RIN2: variants seen among roughly 807,000 people sequenced by gnomAD.
RIN2 encodes the protein Ras and Rab interactor 2, also known as RAB5 interacting protein 2.
Under a neutral mutation model 78.0 loss-of-function variants are expected in RIN2, and 36 were observed. The ratio of observed to expected loss-of-function variants is 0.46; its 90% confidence interval spans 0.35 to 0.61. RIN2 has a LOEUF of 0.61. RIN2 is among the 20% of genes least tolerant of loss of function. The probability of loss-of-function intolerance (pLI) is 0.00; values close to 1 mark genes in which losing one functional copy is unlikely to be tolerated. For missense variants in RIN2, 1,087 were observed against 1,159.7 expected, an observed-to-expected ratio of 0.94 and a Z score of 0.91; for synonymous variants, 466 against 466.8, an observed-to-expected ratio of 1.00 and a Z score of 0.02.
chr20:19,915,256 A>G (rs1015968952), intron 3 of RIN2, among the ~76,000 whole-genome samples: 2 of 152,108 alleles, frequency 1.3e-5, no homozygotes, highest in Admixed American at 6.5e-5. Context: ...ACATGGTGCA[A>G]TCCCACTGGG....
In RIN2 at chr20:19,990,344, C is replaced by T. The variant is rs1479758897; in HGVS notation, c.2068+33C>T. On this transcript the variant is annotated intron_variant, in intron 10 of 12. Transcript: ENST00000255006. ...CGCTGGAAGCCCAGGCTTCGTGCCG[C>T]TTCCCTTCCGGGCCGGGGACAGGCC... 3 of 1,579,774 alleles carry T rather than the reference C, an allele frequency of 1.9e-6. No homozygotes were observed. The Admixed American group carries it at 5.2e-5, about 27-fold the overall frequency.
At chr20:19,848,555 AAG>A in intron 2 of RIN2, among the ~76,000 whole-genome samples, 1 of 151,340 alleles carries the variant, frequency 6.6e-6, no homozygotes, top group Non-Finnish European at 1.5e-5. Context: ...AAAAAAAAAA[AAG>A]AGTGGGGTCT....
intron 2 of RIN2, among the ~76,000 whole-genome samples, chr20:19,834,963 G>A (rs1355943683): frequency 1.3e-5 from 2 of 149,174 alleles, no homozygotes; most frequent in South Asian, 4.3e-4. Context: ...GAGAGAGAGA[G>A]AGAGAAAGAA....
At chr20:19,798,539 G>A (rs1046626760) in intron 1 of RIN2, among the ~76,000 whole-genome samples, 15 of 151,988 alleles carry the variant, frequency 9.9e-5, no homozygotes, top group Non-Finnish European at 1.6e-4. Flanking sequence ...CCGATGTTGG[G>A]AGTTTGATAG....
At chr20:19,889,397 G>C in intron 2 of RIN2, 169 bp from the exon 3 acceptor site, 3 of 1,192,584 alleles carry the variant, frequency 2.5e-6, no homozygotes, top group Non-Finnish European at 2.2e-6. Context: ...TGCGCTGGTG[G>C]GGACAGGAAA....
intron 10 of RIN2, among the ~76,000 whole-genome samples, chr20:19,991,249 C>T (rs1335830956): frequency 6.6e-6 from 1 of 152,112 alleles, no homozygotes; most frequent in East Asian, 1.9e-4. Flanking sequence ...AACATCACCT[C>T]ACAAGTTTGC....
In RIN2 at chr20:19,931,767, T is replaced by A. The variant is rs541592696; in HGVS notation, c.58-3332T>A. ...CCTTTTGGGCTTTTATGTTTATACA[T>A]GTGTTCATACATACAGTTCTGGTTC... On this transcript the variant is annotated intron_variant, in intron 3 of 12. Coordinates refer to ENST00000255006, the MANE Select transcript of RIN2 (RefSeq NM_018993.4). Among the ~76,000 whole-genome samples, 5 of 152,038 alleles carry A rather than the reference T, an allele frequency of 3.3e-5. 1 individual carries two copies. The South Asian group carries it at 1.0e-3, about 32-fold the overall frequency.
chr20:19,856,346 C>A (rs1162338846), intron 2 of RIN2, among the ~76,000 whole-genome samples: 1 of 152,044 alleles, frequency 6.6e-6, no homozygotes. Flanking sequence ...GACAACCCAT[C>A]TCTACAAAAT....
At chr20:19,872,956 A>T (rs980244549) in intron 2 of RIN2, among the ~76,000 whole-genome samples, 6 of 152,084 alleles carry the variant, frequency 3.9e-5, no homozygotes, top group Non-Finnish European at 5.9e-5. Context: ...TTTAATAAAT[A>T]AATTAATTAA....
At chr20:19,893,578 G>A (rs17301932) in intron 3 of RIN2, among the ~76,000 whole-genome samples, 44,953 of 151,994 alleles carry the variant, frequency 0.3, 7,472 homozygotes, top group East Asian at 0.39. Flanking sequence ...ATAGGCTGGA[G>A]GACATGAGGT....
At chr20:19,874,373 A>G (rs2037790401) in intron 2 of RIN2, among the ~76,000 whole-genome samples, 1 of 152,222 alleles carries the variant, frequency 6.6e-6, no homozygotes, top group South Asian at 2.1e-4. Context: ...TATTTCCCCT[A>G]GGAACAATGG....
intron 1 of RIN2, among the ~76,000 whole-genome samples, chr20:19,774,695 G>A (rs1042254321): frequency 6.6e-5 from 10 of 152,328 alleles, no homozygotes; most frequent in African/African-American, 2.4e-4. Flanking sequence ...GTACTTCCCT[G>A]AATCTCCATG....
At chr20:19,952,837 G>A (rs6046480) in intron 4 of RIN2, among the ~76,000 whole-genome samples, 2 of 151,924 alleles carry the variant, frequency 1.3e-5, no homozygotes, top group Non-Finnish European at 2.9e-5. Context: ...TACCCATCCC[G>A]CGCCCGCAGC....
intron 9 of RIN2, among the ~76,000 whole-genome samples, chr20:19,976,053 C>A (rs1246077007): frequency 6.6e-6 from 1 of 152,180 alleles, no homozygotes; most frequent in Non-Finnish European, 1.5e-5. Flanking sequence ...CCAGCTGCCG[C>A]CTGCTGTGGT....
intron 1 of RIN2, among the ~76,000 whole-genome samples, chr20:19,778,867 T>C (rs2034401262): frequency 6.6e-6 from 1 of 152,172 alleles, no homozygotes; most frequent in South Asian, 2.1e-4. Context: ...ACTGTATTCC[T>C]GGCCCCCCAA....
chr20:19,919,939 GA>G (rs1449835613), intron 3 of RIN2, among the ~76,000 whole-genome samples: 3 of 152,154 alleles, frequency 2.0e-5, no homozygotes, highest in African/African-American at 7.2e-5. Context: ...AGATCTAACT[GA>G]AAACACCAAT....
At chr20:19,938,360 G>A (rs992639307) in intron 4 of RIN2, among the ~76,000 whole-genome samples, 5 of 151,738 alleles carry the variant, frequency 3.3e-5, no homozygotes, top group Admixed American at 1.3e-4. Context: ...TTGGAAGCAC[G>A]GGTGCCCACC....
At chr20:19,913,160 T>G (rs2039546962) in intron 3 of RIN2, among the ~76,000 whole-genome samples, 1 of 152,234 alleles carries the variant, frequency 6.6e-6, no homozygotes, top group Admixed American at 6.5e-5. Context: ...TCTTCTACCT[T>G]GTTTTCTATG....
At chr20:19,934,128 T>A (rs2040540834) in intron 3 of RIN2, among the ~76,000 whole-genome samples, 1 of 152,194 alleles carries the variant, frequency 6.6e-6, no homozygotes, top group Admixed American at 6.5e-5. Context: ...TAAAAATTAT[T>A]GAGGATCCCA....
Sources: gnomAD v4.1 joint callset for allele counts (sites outside exome capture counted in the v4.1 genomes callset) on GRCh38, gnomAD v4.1.1 for gene constraint, MANE v1.5 for transcripts, NCBI Gene and HGNC (gene_info 2026-07-23, HGNC 2026-07-21) for gene names.